Variants in RAP2A observed in about 807,000 individuals in gnomAD.
RAP2A encodes the protein RAP2A, member of RAS oncogene family, also known as ras-related protein Rap-2a.
Under a neutral mutation model 15.1 loss-of-function variants are expected in RAP2A, and 5 were observed. The observed-to-expected ratio is 0.33, with a 90% CI of 0.17 to 0.70. RAP2A has a LOEUF of 0.70. Among genes scored for constraint, RAP2A ranks in the 30% least tolerant of loss-of-function variants. The pLI is 0.68. For synonymous variants in RAP2A, 110 were observed against 99.7 expected, an observed-to-expected ratio of 1.10 and a Z score of -0.62; for missense variants, 111 against 240.3, an observed-to-expected ratio of 0.46 and a Z score of 3.56.
At chr13:97,459,874 A>G (rs2066739257) in intron 1 of RAP2A, among the ~76,000 whole-genome samples, 1 of 152,200 alleles carries the variant, frequency 6.6e-6, no homozygotes, top group Admixed American at 6.5e-5. Context: ...TGCTTTGTCC[A>G]TTGATGTAAG....
chr13:97,452,418 T>C (rs754924107), intron 1 of RAP2A, among the ~76,000 whole-genome samples: 37 of 151,206 alleles, frequency 2.4e-4, no homozygotes, highest in Non-Finnish European at 4.4e-4. Context: ...ACCTTTGTCA[T>C]AAATCAGGCA....
chr13:97,460,374 T>C (rs2066741067), intron 1 of RAP2A, among the ~76,000 whole-genome samples: 1 of 152,228 alleles, frequency 6.6e-6, no homozygotes, highest in African/African-American at 2.4e-5. Context: ...GATTTTTAAC[T>C]TCAGAGTATC....
Position 97,434,784 on chromosome 13 carries a change from G to T in RAP2A, c.314G>T (p.Arg105Leu). Reference protein sequence around the residue: ...PMRDQIIRVKRYEKVPVILVG... With the variant: ...PMRDQIIRVKLYEKVPVILVG... ...CGGGACCAGATCATCCGCGTGAAGC[G>T]GTGAGCGAGGGCACACGGGGGCTTG... The change falls in exon 1 of 2, where the codon CGG (arginine) becomes CTG (leucine). Residue 105 changes from arginine (R) to leucine (L), a missense_variant and splice_region_variant. Transcript: ENST00000245304. 6.2e-7 allele frequency: 1 copy of T among 1,613,836 alleles called. No individual in the cohort carries two copies. The highest frequency in any genetic ancestry group is 8.5e-7 in the Non-Finnish European group (1 of 1,179,896).
In RAP2A at chr13:97,464,484, G is replaced by A. The variant is rs375606502; in HGVS notation, c.*42G>A. 2.8e-4 allele frequency: 444 copies of A among 1,584,198 alleles called. 1 individual carries two copies. In the African/African-American group the frequency reaches 5.1e-3, roughly 18 times the overall value. On this transcript the variant is annotated 3_prime_UTR_variant, in exon 2 of 2. Coordinates refer to ENST00000245304, the MANE Select transcript of RAP2A (RefSeq NM_021033.7). ...TCCTGGATGGGATTTGCCCAATGTC[G>A]TAGGTGATAGAAAACTCGCCTACTC...
intron 1 of RAP2A, among the ~76,000 whole-genome samples, chr13:97,442,806 G>T (rs758215417): frequency 6.6e-6 from 1 of 152,112 alleles, no homozygotes. Flanking sequence ...GCAATGCTGT[G>T]TAAGATTACG....
At chr13:97,464,125 C>T (rs1257785027) in intron 1 of RAP2A, 80 bp from the exon 2 acceptor site, 1 of 1,421,548 alleles carries the variant, frequency 7.0e-7, no homozygotes, top group East Asian at 2.3e-5. Context: ...GAATAGCCCC[C>T]AAAAACGAAA....
chr13:97,449,915 C>T (rs967423327), intron 1 of RAP2A, among the ~76,000 whole-genome samples: 2 of 151,172 alleles, frequency 1.3e-5, no homozygotes, highest in Admixed American at 6.6e-5. Flanking sequence ...CTGTTGGCCT[C>T]ATAACCTGAG....
rs2066683478 is a variant in RAP2A, at chr13:97,447,196, C to T, written c.314+12412C>T. Among the ~76,000 whole-genome samples the T allele has an allele frequency of 2.0e-5, 3 of 152,148 alleles. No homozygotes were observed. The South Asian group carries it at 6.2e-4, about 32-fold the overall frequency. ...CCCGATGTCATTTGACCACTCTCACCCATGCATGATTAACTGTACTTTGAA... is the reference window on the plus strand; with the variant it reads ...CCCGATGTCATTTGACCACTCTCACTCATGCATGATTAACTGTACTTTGAA... On this transcript the variant is annotated intron_variant, in intron 1 of 1. Transcript: ENST00000245304.
intron 1 of RAP2A, among the ~76,000 whole-genome samples, chr13:97,460,632 C>A (rs780939555): frequency 2.0e-5 from 3 of 152,168 alleles, no homozygotes; most frequent in Non-Finnish European, 4.4e-5. Context: ...CAGCGTCTCA[C>A]CCATCTTTCT....
chr13:97,461,460 G>A (rs1160569711), intron 1 of RAP2A, among the ~76,000 whole-genome samples: 1 of 152,140 alleles, frequency 6.6e-6, no homozygotes, highest in African/African-American at 2.4e-5. Context: ...ACATTTACCA[G>A]TTATTAAATG....
intron 1 of RAP2A, among the ~76,000 whole-genome samples, chr13:97,442,563 C>T (rs980558772): frequency 6.6e-6 from 1 of 152,002 alleles, no homozygotes; most frequent in Non-Finnish European, 1.5e-5. Context: ...ATACATCTAG[C>T]CGAAATCAAC....
At chr13:97,441,786 G>A (rs2066658745) in intron 1 of RAP2A, 1 of 448,614 alleles carries the variant, frequency 2.2e-6, no homozygotes, top group Admixed American at 2.4e-5. Flanking sequence ...TGTAAAAAGA[G>A]TTTTAAGTAC....
chr13:97,445,782 G>A (rs145883442), intron 1 of RAP2A, among the ~76,000 whole-genome samples: 152 of 152,266 alleles, frequency 1.0e-3, no homozygotes, highest in Admixed American at 2.2e-3. Flanking sequence ...AGGCAGCCAG[G>A]ATGTTGTATG....
intron 1 of RAP2A, among the ~76,000 whole-genome samples, chr13:97,443,634 C>T (rs966969604): frequency 9.2e-5 from 14 of 152,276 alleles, no homozygotes; most frequent in Admixed American, 3.9e-4. Flanking sequence ...TCAAGTGTTC[C>T]GACTACCTCA....
rs755647629 is a variant in RAP2A, at chr13:97,434,707, C to G, written c.237C>G (p.Ile79Met). 9.9e-6 allele frequency: 16 copies of G among 1,614,166 alleles called. No individual in the cohort carries two copies. The highest frequency in any genetic ancestry group is 1.3e-5 in the Non-Finnish European group (15 of 1,180,020). ...DLYIKNGQGF[I>M]LVYSLVNQQS... is the part of the protein sequence containing the mutation. ...ACATCAAGAACGGCCAGGGCTTCAT[C>G]CTCGTCTACAGCCTCGTCAACCAGC... The change falls in exon 1 of 2, where the codon ATC (isoleucine) becomes ATG (methionine). Residue 79 changes from isoleucine (I) to methionine (M), a missense_variant. Coordinates refer to ENST00000245304, the MANE Select transcript of RAP2A (RefSeq NM_021033.7).
At position 97,464,387 on chromosome 13, in the gene RAP2A, A is replaced by G. The variant is rs938695459; in HGVS notation, c.497A>G (p.Tyr166Cys). The G allele has an allele frequency of 1.9e-5, 31 of 1,614,114 alleles. No homozygotes were observed. The highest frequency in any genetic ancestry group is 2.5e-5 in the Non-Finnish European group (30 of 1,180,036). ...GCAGAAATTGTGAGGCAGATGAACT[A>G]TGCTGCTCAGCCTGACAAAGATGAC... is the stretch of plus-strand genomic sequence containing the variant. ...LFAEIVRQMN[Y>C]AAQPDKDDPC... The change falls in exon 2 of 2, where the codon TAT becomes TGT. Residue 166 changes from tyrosine to cysteine, a missense_variant. This residue lies in a region of RAP2A where 74 missense variants were observed against 132.3 expected (regional missense o/e 0.56). Transcript: ENST00000245304.
intron 1 of RAP2A, among the ~76,000 whole-genome samples, chr13:97,452,497 C>T (rs970453859): frequency 4.0e-5 from 6 of 151,240 alleles, no homozygotes; most frequent in African/African-American, 1.5e-4. Context: ...ATGCCTAAAC[C>T]ACAATCTTAA....
rs74408309 is a variant in RAP2A at position 97,450,944 on chromosome 13, G to A, written c.315-13261G>A. Among the ~76,000 whole-genome samples the A allele has an allele frequency of 4.1e-3, 631 of 152,294 alleles. 6 individuals are homozygous for A. The highest frequency in any genetic ancestry group is 0.015 in the African/African-American group (612 of 41,560). ...ATATAGATCTAATAGTGAAGGAAAT[G>A]TTTAGAACTATTGTTTTTATTTCCA... On this transcript the variant is annotated intron_variant, in intron 1 of 1. Coordinates refer to ENST00000245304, the MANE Select transcript of RAP2A (RefSeq NM_021033.7).
intron 1 of RAP2A, among the ~76,000 whole-genome samples, chr13:97,460,614 T>C (rs546383473): frequency 1.3e-5 from 2 of 152,318 alleles, no homozygotes; most frequent in East Asian, 1.9e-4. Flanking sequence ...TCTTGGCTTC[T>C]TTCCCTTCAG....
Sources: gnomAD v4.1 joint callset for allele counts (sites outside exome capture counted in the v4.1 genomes callset) on GRCh38, gnomAD v4.1.1 for gene constraint, gnomAD v4.1.1 regional missense constraint, MANE v1.5 for transcripts, NCBI Gene and HGNC (gene_info 2026-07-23, HGNC 2026-07-21) for gene names.